NIPAL2: variants seen among roughly 807,000 people sequenced by gnomAD.
The protein encoded by NIPAL2 is NIPA-like protein 2.
NIPAL2 carries 43 observed loss-of-function variants against 48.9 expected under a neutral mutation model. The ratio of observed to expected loss-of-function variants is 0.88; its 90% CI spans 0.69 to 1.13. The LOEUF (loss-of-function observed/expected upper bound fraction) is 1.13, where lower values mean the gene tolerates loss of function less well. Ranked by LOEUF, NIPAL2 falls within the 50% of genes most tolerant of loss-of-function variation. The probability of loss-of-function intolerance (pLI) is 0.00; values close to 1 mark genes in which losing one functional copy is unlikely to be tolerated. For missense variants in NIPAL2, 446 were observed against 461.4 expected (o/e 0.97, Z 0.31); for synonymous variants, 167 against 174.6 (o/e 0.96, Z 0.34).
intron 1 of NIPAL2, among the ~76,000 whole-genome samples, chr8:98,256,775 G>A (rs1049342638): frequency 6.6e-6 from 1 of 152,156 alleles, no homozygotes; most frequent in Non-Finnish European, 1.5e-5. Flanking sequence ...ATTACCATAT[G>A]GTCTAGCAAT....
chr8:98,254,119 C>T, intron 1 of NIPAL2, 32 bp from the exon 2 acceptor site: 1 of 1,542,310 alleles, frequency 6.5e-7, no homozygotes, highest in South Asian at 1.1e-5. Flanking sequence ...TTAAATAATA[C>T]TTGTAAGATA....
intron 1 of NIPAL2, among the ~76,000 whole-genome samples, chr8:98,265,833 G>A (rs1021054118): frequency 4.8e-4 from 71 of 149,020 alleles, no homozygotes; most frequent in Middle Eastern, 3.4e-3. Flanking sequence ...ACATGCACAC[G>A]TATGTTTATT....
chr8:98,294,157 T>C lies in NIPAL2; in HGVS notation c.-20A>G. ...TGCCATGAGGTCTCGCTCCCGGCGC[T>C]CGGGCTCCGGCTCGGGCTGCGGCCG... On this transcript the variant is annotated 5_prime_UTR_variant, in exon 1 of 11. Coordinates refer to ENST00000430223, the MANE Select transcript of NIPAL2 (RefSeq NM_001321635.2). 7.3e-7 allele frequency: 1 copy of C among 1,362,524 alleles called. No homozygotes were observed. The highest frequency in any genetic ancestry group is 9.5e-7 in the Non-Finnish European group (1 of 1,057,360). The allele number at this position is 1,362,524 out of a possible 1,614,324, so 84.4% of individuals were successfully genotyped here.
chr8:98,236,011 C>A, intron 4 of NIPAL2, 144 bp downstream of exon 4: 1 of 559,756 alleles, frequency 1.8e-6, no homozygotes, highest in Non-Finnish European at 3.2e-6. Context: ...AGCTCCAAGA[C>A]AGAATAATGC....
At chr8:98,233,388 A>AT (rs2130784017) in intron 4 of NIPAL2, among the ~76,000 whole-genome samples, 1 of 151,400 alleles carries the variant, frequency 6.6e-6, no homozygotes, top group South Asian at 2.1e-4. Flanking sequence ...CTTATATTAC[A>AT]TTTTTAGTAT....
chr8:98,203,599 G>A (rs1400523929), intron 7 of NIPAL2, among the ~76,000 whole-genome samples: 1 of 152,180 alleles, frequency 6.6e-6, no homozygotes, highest in East Asian at 1.9e-4. Context: ...AGATGGAGAA[G>A]TAAAGGAATG....
chr8:98,291,009 G>A (rs750231722), intron 1 of NIPAL2, among the ~76,000 whole-genome samples: 2 of 152,140 alleles, frequency 1.3e-5, no homozygotes, highest in Non-Finnish European at 2.9e-5. Flanking sequence ...CTGTAGGCTG[G>A]ATTTAGTCCA....
At chr8:98,285,596 A>G (rs1207678434) in intron 1 of NIPAL2, among the ~76,000 whole-genome samples, 2 of 152,166 alleles carry the variant, frequency 1.3e-5, no homozygotes, top group African/African-American at 4.8e-5. Context: ...AGAGTGAGGA[A>G]CTGAGCATTC....
chr8:98,212,311 G>GA (rs1811356822), intron 6 of NIPAL2, 94 bp downstream of exon 6: 1 of 634,744 alleles, frequency 1.6e-6, no homozygotes, highest in Non-Finnish European at 2.8e-6. Flanking sequence ...TAAACCATGA[G>GA]AAAGGAGTAG....
At chr8:98,247,596 G>T (rs892950505) in intron 3 of NIPAL2, among the ~76,000 whole-genome samples, 8 of 152,162 alleles carry the variant, frequency 5.3e-5, no homozygotes, top group Admixed American at 5.2e-4. Flanking sequence ...AGATTGTCCT[G>T]CTCTAACAAA....
intron 5 of NIPAL2, among the ~76,000 whole-genome samples, chr8:98,213,131 T>C (rs1215346564): frequency 1.3e-5 from 2 of 152,172 alleles, no homozygotes; most frequent in East Asian, 1.9e-4. Context: ...ACAGAGTCTC[T>C]ACCCAACCTA....
Position 98,194,796 on chromosome 8 carries a change from A to C in NIPAL2, c.971T>G (p.Phe324Cys). The C allele has an allele frequency of 6.4e-7, 1 of 1,572,204 alleles. No individual in the cohort carries two copies. The highest frequency in any genetic ancestry group is 8.6e-7 in the Non-Finnish European group (1 of 1,163,788). Residue 324 changes from phenylalanine (F) to cysteine (C), a missense_variant, in exon 10 of 11, where the codon TTT becomes TGT. Transcript: ENST00000430223. ...CTTTTCTCGATTTCTTGTGACCAAA[A>C]ATACACCAAGGAATGACAGAAAACA... ...FGCFLSFLGVFLVTRNREKEH... is the reference protein window; with the variant it reads ...FGCFLSFLGVCLVTRNREKEH...
chr8:98,212,356 G>T lies in NIPAL2; in HGVS notation c.655+49C>A. 6.1e-6 allele frequency: 6 copies of T among 981,558 alleles called. No homozygotes were observed. The South Asian group carries it at 8.3e-5, about 14-fold the overall frequency. The allele number at this position is 981,558 out of a possible 1,614,324, so 60.8% of individuals were successfully genotyped here. A position where few individuals can be genotyped will look rare whatever the true frequency, so the allele number is the denominator to read the frequency against. On this transcript the variant is annotated intron_variant, in intron 6 of 10. Transcript: ENST00000430223. ...GTATTTTCCTTCAAACCTCATTTAT[G>T]ACTCAGCACAGCTCAATTAAAGAAT...
chr8:98,195,705 G>T, intron 9 of NIPAL2: 1 of 377,442 alleles, frequency 2.6e-6, no homozygotes, highest in Non-Finnish European at 4.8e-6. Flanking sequence ...CTTGTCTTTG[G>T]CCTGGAATTG....
At position 98,205,599 on chromosome 8, in the gene NIPAL2, A is replaced by G. The variant is rs573831881; in HGVS notation, c.656-353T>C. On this transcript the variant is annotated intron_variant, in intron 6 of 10. Transcript: ENST00000430223. Reference sequence around the variant, plus strand: ...GCAAAAACAATGGAGGGAGGAGATAAGAAAAGTCAGATTGTCCATGTGACA... The same window carrying G: ...GCAAAAACAATGGAGGGAGGAGATAGGAAAAGTCAGATTGTCCATGTGACA... 5.9e-5 allele frequency among the ~76,000 whole-genome samples: 9 copies of G among 152,300 alleles called. No individual in the cohort carries two copies. In the South Asian group the frequency reaches 1.7e-3, roughly 28 times the overall value.
In NIPAL2 at chr8:98,192,993, C is replaced by T. The variant is rs759764157; in HGVS notation, c.1137G>A (p.Glu379=). ...GSDSTKSQSG[E]KKEV The stretch of plus-strand genomic sequence containing the variant: ...TTCTCAGCATTTAGACCTCTTTCTT[C>T]TCTCCACTTTGGCTCTTTGTTGAGT... Residue 379 remains glutamate, a synonymous_variant, in exon 11 of 11, where the codon GAG becomes GAA. Transcript: ENST00000430223. The T allele has an allele frequency of 3.7e-6, 6 of 1,611,430 alleles. No homozygotes were observed. In the South Asian group the frequency reaches 5.5e-5, roughly 15 times the overall value.
intron 1 of NIPAL2, among the ~76,000 whole-genome samples, chr8:98,283,086 T>C (rs759863103): frequency 6.6e-6 from 1 of 152,202 alleles, no homozygotes; most frequent in Admixed American, 6.5e-5. Context: ...TAATCAACCT[T>C]AAAGCCTAGG....
intron 1 of NIPAL2, among the ~76,000 whole-genome samples, chr8:98,268,243 A>G (rs777947708): frequency 2.6e-5 from 4 of 151,902 alleles, no homozygotes; most frequent in Non-Finnish European, 4.4e-5. Context: ...CTTATGATGC[A>G]TTTTTTTTGG....
intron 1 of NIPAL2, among the ~76,000 whole-genome samples, chr8:98,260,617 C>T (rs1225330621): frequency 3.3e-5 from 5 of 152,214 alleles, no homozygotes; most frequent in South Asian, 2.1e-4. Context: ...GCACCTGGCT[C>T]GGAGGGTCCT....
Sources: gnomAD v4.1 joint callset for allele counts (sites outside exome capture counted in the v4.1 genomes callset) on GRCh38, gnomAD v4.1.1 for gene constraint, MANE v1.5 for transcripts, NCBI Gene and HGNC (gene_info 2026-07-23, HGNC 2026-07-21) for gene names.